The following EXT2 variants were observed in gnomAD, a reference collection of about 807,000 sequenced individuals.
The protein encoded by EXT2 is exostosin-2.
EXT2 carries 53 observed loss-of-function variants against 81.6 expected under a neutral mutation model. The observed-to-expected ratio is 0.65, with a 90% CI of 0.52 to 0.82. EXT2 has a LOEUF of 0.82. Among genes scored for constraint, EXT2 ranks in the 40% least tolerant of loss-of-function variants. EXT2 has a pLI of 0.00. For synonymous variants in EXT2, 320 were observed against 340.0 expected (o/e 0.94, Z 0.65); for missense variants, 774 against 910.2 (o/e 0.85, Z 1.93).
chr11:44,119,177 C>CAG (rs58325524), intron 4 of EXT2, among the ~76,000 whole-genome samples: 1 of 42,786 alleles, frequency 2.3e-5, no homozygotes, highest in Non-Finnish European at 4.5e-5. Context: ...TATACACATA[C>CAG]ACACACACAC....
chr11:44,120,861 G>A (rs1231130098), intron 4 of EXT2, among the ~76,000 whole-genome samples: 2 of 152,190 alleles, frequency 1.3e-5, no homozygotes, highest in East Asian at 3.9e-4. Flanking sequence ...ACTATTGAGG[G>A]AGACTTCAAG....
At chr11:44,187,761 C>T (rs980986787) in intron 8 of EXT2, among the ~76,000 whole-genome samples, 10 of 152,138 alleles carry the variant, frequency 6.6e-5, no homozygotes, top group African/African-American at 1.7e-4. Flanking sequence ...GGTAGCATTC[C>T]GTTAGCTCTA....
At chr11:44,241,415 A>T (rs2135278415) in intron 13 of EXT2, among the ~76,000 whole-genome samples, 1 of 152,344 alleles carries the variant, frequency 6.6e-6, no homozygotes, top group Non-Finnish European at 1.5e-5. Flanking sequence ...TAACATAGGG[A>T]TATTAATATC....
chr11:44,132,972 G>A (rs1210672895), intron 7 of EXT2, among the ~76,000 whole-genome samples: 5 of 152,162 alleles, frequency 3.3e-5, no homozygotes, highest in Admixed American at 3.3e-4. Context: ...GTAATTTCCA[G>A]TTAGGTATAA....
intron 7 of EXT2, among the ~76,000 whole-genome samples, chr11:44,137,799 A>G (rs1437028959): frequency 1.3e-5 from 2 of 152,240 alleles, no homozygotes; most frequent in Non-Finnish European, 2.9e-5. Flanking sequence ...TAATGCAATC[A>G]GTTAAATAAA....
intron 7 of EXT2, among the ~76,000 whole-genome samples, chr11:44,164,551 G>A (rs1017073256): frequency 6.6e-6 from 1 of 152,154 alleles, no homozygotes; most frequent in Non-Finnish European, 1.5e-5. Flanking sequence ...TTTAATTTAT[G>A]TATAAACTGA....
intron 8 of EXT2, among the ~76,000 whole-genome samples, chr11:44,190,653 C>A (rs1955379785): frequency 6.6e-6 from 1 of 152,210 alleles, no homozygotes; most frequent in African/African-American, 2.4e-5. Flanking sequence ...AGCTTGATTT[C>A]TTCAGTGCTA....
chr11:44,217,404 C>T (rs1409485648), intron 10 of EXT2, among the ~76,000 whole-genome samples: 3 of 152,056 alleles, frequency 2.0e-5, no homozygotes, highest in African/African-American at 7.2e-5. Context: ...TTATATGGGT[C>T]GTATTTCCTA....
intron 10 of EXT2, among the ~76,000 whole-genome samples, chr11:44,219,319 T>G (rs925087917): frequency 6.6e-6 from 1 of 151,410 alleles, no homozygotes; most frequent in African/African-American, 2.4e-5. Context: ...CTGAACAACA[T>G]AGTGAGACCT....
intron 9 of EXT2, among the ~76,000 whole-genome samples, chr11:44,203,276 G>T (rs1307051226): frequency 6.6e-6 from 1 of 152,154 alleles, no homozygotes; most frequent in Non-Finnish European, 1.5e-5. Context: ...ACTAGTAACA[G>T]GATTTGCCTA....
At chr11:44,232,998 T>G (rs1366176254) in intron 11 of EXT2, among the ~76,000 whole-genome samples, 3 of 152,226 alleles carry the variant, frequency 2.0e-5, no homozygotes, top group Non-Finnish European at 2.9e-5. Flanking sequence ...TAAATAACGC[T>G]TAATATCTAA....
intron 1 of EXT2, among the ~76,000 whole-genome samples, chr11:44,097,445 A>G (rs1953914685): frequency 6.6e-6 from 1 of 152,140 alleles, no homozygotes; most frequent in Non-Finnish European, 1.5e-5. Flanking sequence ...TTGGGTTAAG[A>G]TCCAGTGTGG....
intron 10 of EXT2, among the ~76,000 whole-genome samples, chr11:44,212,757 A>G (rs1041645539): frequency 6.6e-6 from 1 of 152,202 alleles, no homozygotes; most frequent in African/African-American, 2.4e-5. Flanking sequence ...AAAGAAAGAA[A>G]TGGATACATG....
chr11:44,141,531 A>G (rs1476276874), intron 7 of EXT2, among the ~76,000 whole-genome samples: 2 of 152,246 alleles, frequency 1.3e-5, no homozygotes, highest in Non-Finnish European at 2.9e-5. Context: ...AATTTAGGAC[A>G]GTGAACTGGG....
chr11:44,234,385 T>G (rs1955936260), intron 12 of EXT2, 142 bp downstream of exon 12: 3 of 817,344 alleles, frequency 3.7e-6, no homozygotes, highest in Non-Finnish European at 6.1e-6. Context: ...CTATGATTGA[T>G]GCGGTCACAT....
intron 10 of EXT2, among the ~76,000 whole-genome samples, chr11:44,207,356 GA>G (rs1302012708): frequency 6.6e-6 from 1 of 152,250 alleles, no homozygotes; most frequent in Non-Finnish European, 1.5e-5. Flanking sequence ...AAACAAAGCA[GA>G]CCCTGTTGAT....
chr11:44,111,898 G>GA (rs1954149733), intron 3 of EXT2, among the ~76,000 whole-genome samples: 1 of 152,124 alleles, frequency 6.6e-6, no homozygotes. Context: ...TCATACCTAA[G>GA]AAAATTAACA....
At chr11:44,172,340 C>T (rs556345908) in intron 8 of EXT2, among the ~76,000 whole-genome samples, 4 of 152,172 alleles carry the variant, frequency 2.6e-5, no homozygotes, top group Non-Finnish European at 4.4e-5. Flanking sequence ...AATCACAAGG[C>T]ACATGTGTCC....
intron 7 of EXT2, among the ~76,000 whole-genome samples, chr11:44,133,839 G>A (rs1332705492): frequency 6.6e-6 from 1 of 152,200 alleles, no homozygotes; most frequent in East Asian, 1.9e-4. Context: ...GATCAGAAAG[G>A]CTACAATCTG....
Sources: allele counts gnomAD v4.1 joint callset (sites outside exome capture counted in the v4.1 genomes callset), GRCh38; gene constraint gnomAD v4.1.1; transcripts MANE v1.5; gene names NCBI Gene and HGNC (gene_info 2026-07-23, HGNC 2026-07-21).